GBP1: variants seen among roughly 807,000 people sequenced by gnomAD.
GBP1 encodes guanylate-binding protein 1.
In GBP1, 64 loss-of-function variants were observed where a neutral mutation model predicts 69.5. The ratio of observed to expected loss-of-function variants is 0.92; its 90% CI spans 0.75 to 1.13. The LOEUF (loss-of-function observed/expected upper bound fraction) is 1.13, where lower values mean the gene tolerates loss of function less well. GBP1 is among the 50% of genes most tolerant of loss of function. The pLI, the probability that GBP1 is intolerant of heterozygous loss-of-function variation, is 0.00. For synonymous variants in GBP1, 250 were observed against 261.2 expected, an observed-to-expected ratio of 0.96 and a Z score of 0.41; for missense variants, 630 against 704.1, an observed-to-expected ratio of 0.89 and a Z score of 1.19.
Position 89,052,405 on chromosome 1 carries a change from A to G in GBP1, c.*950T>C, listed in dbSNP as rs979361445. On this transcript the variant is annotated 3_prime_UTR_variant, in exon 11 of 11. Transcript: ENST00000370473. ...TTCACACATAAGACAAAGTCTACAT[A>G]TACTAGGTAAACACAAGAGCATTAT... The G allele has an allele frequency of 2.0e-5, 3 of 152,240 alleles. No homozygotes were observed. Among genetic ancestry groups the G allele is most frequent in the African/African-American group, 7.2e-5 (3 of 41,456 alleles). 9.4% of individuals were successfully genotyped at this position (152,240 alleles called of 1,614,324 possible). A position where few individuals can be genotyped will look rare whatever the true frequency, so the allele number is the denominator to read the frequency against.
At chr1:89,063,795 T>C (rs1680262475) in intron 1 of GBP1, among the ~76,000 whole-genome samples, 1 of 152,210 alleles carries the variant, frequency 6.6e-6, no homozygotes, top group Non-Finnish European at 1.5e-5. Context: ...CACATTGCCA[T>C]TCTGGAAGTG....
Position 89,056,027 on chromosome 1 carries a change from T to G in GBP1, c.1357A>C (p.Lys453Gln). 1.2e-6 allele frequency: 2 copies of G among 1,613,982 alleles called. No individual in the cohort carries two copies. The highest frequency in any genetic ancestry group is 1.7e-6 in the Non-Finnish European group (2 of 1,179,854). The change falls in exon 8 of 11, where the codon AAG becomes CAG. Residue 453 changes from lysine to glutamine, a missense_variant. Lys to Gln is a moderately conservative substitution (Grantham distance 53, BLOSUM62 1). Around this residue, in one of 5 missense-constraint regions of GBP1, gnomAD observed 367 missense variants for 369.5 expected, o/e 0.99. Coordinates refer to ENST00000370473, the MANE Select transcript of GBP1 (RefSeq NM_002053.3). ...TAAATCTTGGTTACCTGTATCCCCT[T>G]CCTCGGTTCCTCATAGTACTTTTTC... ...LKKKYYEEPR[K>Q]GIQAEEILQT...
chr1:89,060,617 C>T (rs12082593), intron 2 of GBP1, among the ~76,000 whole-genome samples: 9,229 of 152,186 alleles, frequency 0.061, 865 homozygotes, highest in African/African-American at 0.2. Context: ...AATGATGAAA[C>T]GTCATAGCTT....
intron 8 of GBP1, 98 bp downstream of exon 8, chr1:89,055,918 C>G (rs1570936061): frequency 7.0e-7 from 1 of 1,432,486 alleles, no homozygotes; most frequent in Non-Finnish European, 9.8e-7. Context: ...GTTATGCAAA[C>G]AAAAAAGCAC....
In GBP1 at chr1:89,058,228, C is replaced by A; in HGVS notation, c.638G>T (p.Ser213Ile). 1 of 1,583,080 alleles carries A rather than the reference C, an allele frequency of 6.3e-7. No homozygotes were observed. Residue 213 changes from serine to isoleucine, a missense_variant, in exon 6 of 11, where the codon AGT becomes ATT. Physicochemically the swap from Ser to Ile is moderately radical, Grantham distance 142. This residue lies in a region of GBP1 where 367 missense variants were observed against 369.5 expected (regional missense o/e 0.99). Transcript: ENST00000370473. ...CAGGTTAAAAGTTTCATCTTTTTGA[C>A]TGGTACCTAGAAAAACATTTAAAAA... ...TYSLKLKKGTSQKDETFNLPR... is the reference protein window; with the variant it reads ...TYSLKLKKGTIQKDETFNLPR...
At chr1:89,060,572 C>G (rs1387133601) in intron 2 of GBP1, among the ~76,000 whole-genome samples, 1 of 152,066 alleles carries the variant, frequency 6.6e-6, no homozygotes, top group Non-Finnish European at 1.5e-5. Flanking sequence ...ATAATAAATG[C>G]CATGTATTAA....
In GBP1 at chr1:89,053,266, A is replaced by T; in HGVS notation, c.*89T>A. 1.1e-6 allele frequency: 1 copy of T among 925,902 alleles called. No homozygotes were observed. The highest frequency in any genetic ancestry group is 1.7e-6 in the Non-Finnish European group (1 of 605,946). The allele number at this position is 925,902 out of a possible 1,614,324, so 57.4% of individuals were successfully genotyped here. A position where few individuals can be genotyped will look rare whatever the true frequency, so the allele number is the denominator to read the frequency against. On this transcript the variant is annotated 3_prime_UTR_variant, in exon 11 of 11. Coordinates refer to ENST00000370473, the MANE Select transcript of GBP1 (RefSeq NM_002053.3). ...CTTTTGGTGTTATGATGCAAGATCT[A>T]ATTATTATCAAATGTAGTGACGCTT...
chr1:89,054,131 G>A (rs144110029), intron 10 of GBP1, among the ~76,000 whole-genome samples: 57 of 150,296 alleles, frequency 3.8e-4, no homozygotes, highest in African/African-American at 1.4e-3. Context: ...TTGGAGTCTC[G>A]CTCTGTTGCC....
chr1:89,054,621 G>C (rs772557915), intron 10 of GBP1, 61 bp downstream of exon 10: 1 of 1,463,494 alleles, frequency 6.8e-7, no homozygotes, highest in Non-Finnish European at 9.5e-7. Context: ...CTAAGTTTGC[G>C]ATCAGGGAGA....
chr1:89,060,165 G>T (rs762056310), intron 3 of GBP1, 32 bp downstream of exon 3: 4 of 1,566,822 alleles, frequency 2.6e-6, no homozygotes, highest in Non-Finnish European at 3.4e-6. Context: ...GAGAGGAGGG[G>T]CTTACTCCAC....
intron 10 of GBP1, among the ~76,000 whole-genome samples, 180 bp from the exon 11 acceptor site, chr1:89,053,648 T>C (rs565815073): frequency 6.6e-6 from 1 of 152,344 alleles, no homozygotes; most frequent in East Asian, 1.9e-4. Flanking sequence ...CTATTATGTA[T>C]ATGACATAAC....
At chr1:89,057,210 A>T in intron 6 of GBP1, 76 bp from the exon 7 acceptor site, 1 of 1,574,128 alleles carries the variant, frequency 6.4e-7, no homozygotes, top group Non-Finnish European at 8.7e-7. Context: ...GAGCATGTCA[A>T]ATACCACCTA....
chr1:89,054,737 T>C lies in GBP1; in HGVS notation c.1610A>G (p.Asn537Ser), dbSNP rs199786994. The C allele has an allele frequency of 1.3e-4, 214 of 1,614,212 alleles. No homozygotes were observed. Among genetic ancestry groups the C allele is most frequent in the Admixed American group, 4.5e-4 (27 of 60,030 alleles). The change falls in exon 10 of 11, where the codon AAC (asparagine) becomes AGC (serine). Residue 537 changes from asparagine to serine, a missense_variant. By Grantham distance (46) the Asn-to-Ser change is conservative. This residue lies in a region of GBP1 where 71 missense variants were observed against 72.7 expected (regional missense o/e 0.98). Transcript: ENST00000370473. ...HLKQLTEKME[N>S]DRVQLLKEQE... ...CTCTTTCAGCAACTGGACCCTGTCG[T>C]TCTCCATCTTCTCAGTCAGTTGTTT... is the stretch of plus-strand genomic sequence containing the variant.
chr1:89,060,751 A>G (rs2101231440), intron 2 of GBP1, among the ~76,000 whole-genome samples: 1 of 152,390 alleles, frequency 6.6e-6, no homozygotes, highest in Middle Eastern at 3.4e-3. Context: ...CTAATTGGTA[A>G]TGAAAAAGTA....
chr1:89,062,044 C>T (rs1307551242), intron 2 of GBP1, among the ~76,000 whole-genome samples: 1 of 151,292 alleles, frequency 6.6e-6, no homozygotes, highest in African/African-American at 2.4e-5. Flanking sequence ...GAAATTAGAA[C>T]CCTTGTGCAT....
Position 89,053,180 on chromosome 1 carries a change from G to A in GBP1, c.*175C>T, listed in dbSNP as rs1201671609. 7.7e-6 allele frequency: 4 copies of A among 516,320 alleles called. No homozygotes were observed. The highest frequency in any genetic ancestry group is 1.3e-5 in the Non-Finnish European group (4 of 296,654). The allele number at this position is 516,320 out of a possible 1,614,324, so 32.0% of individuals were successfully genotyped here. On this transcript the variant is annotated 3_prime_UTR_variant, in exon 11 of 11. Coordinates refer to ENST00000370473, the MANE Select transcript of GBP1 (RefSeq NM_002053.3). ...ATGCATCTTTGTTGCACAATTTACAGTCTTTTTTTTTTTTTAAGAAAAAAC... is the reference window on the plus strand; with the variant it reads ...ATGCATCTTTGTTGCACAATTTACAATCTTTTTTTTTTTTTAAGAAAAAAC...
intron 8 of GBP1, chr1:89,055,595 T>C: frequency 5.8e-6 from 2 of 344,794 alleles, no homozygotes; most frequent in Non-Finnish European, 1.1e-5. Context: ...GGGAGAAAAC[T>C]GTGGGGATGG....
chr1:89,057,048 G>T lies in GBP1; in HGVS notation c.961C>A (p.Gln321Lys). ...TGCACTGCAGCTGAGTTCTCTATCT[G>T]GGCCAAGGCCAGGACTGCGTTCTCC... The part of the protein sequence containing the change: ...CMENAVLALA[Q>K]IENSAAVQKA... Residue 321 changes from glutamine to lysine, a missense_variant, in exon 7 of 11, where the codon CAG becomes AAG. Around this residue, in one of 5 missense-constraint regions of GBP1, gnomAD observed 367 missense variants for 369.5 expected, o/e 0.99. Coordinates refer to ENST00000370473, the MANE Select transcript of GBP1 (RefSeq NM_002053.3). The T allele has an allele frequency of 1.2e-6, 2 of 1,614,214 alleles. No homozygotes were observed. Among genetic ancestry groups the T allele is most frequent in the Non-Finnish European group, 1.7e-6 (2 of 1,180,040 alleles).
chr1:89,054,600 T>C (rs1371835535), intron 10 of GBP1, 82 bp downstream of exon 10: 20 of 1,277,914 alleles, frequency 1.6e-5, no homozygotes, highest in Non-Finnish European at 2.2e-5. Flanking sequence ...CTTCATGTTC[T>C]CTCTGCCACA....
Sources: gnomAD v4.1 joint callset for allele counts (sites outside exome capture counted in the v4.1 genomes callset) on GRCh38, gnomAD v4.1.1 for gene constraint, gnomAD v4.1.1 regional missense constraint, MANE v1.5 for transcripts, NCBI Gene and HGNC (gene_info 2026-07-23, HGNC 2026-07-21) for gene names.